Variants in OPA3 observed in about 807,000 individuals in gnomAD.
OPA3 encodes outer mitochondrial membrane lipid metabolism regulator OPA3.
OPA3 carries 6 observed loss-of-function variants against 4.0 expected under a neutral mutation model. The ratio of observed to expected loss-of-function variants is 1.51; its 90% CI spans 0.83 to 2.99. OPA3 has a LOEUF of 2.99. OPA3 is among the 30% of genes most tolerant of loss of function. The pLI, the probability that OPA3 is intolerant of heterozygous loss-of-function variation, is 0.00. For missense variants in OPA3, 235 were observed against 256.2 expected, an observed-to-expected ratio of 0.92 and a Z score of 0.56; for synonymous variants, 105 against 117.1, an observed-to-expected ratio of 0.90 and a Z score of 0.67.
At chr19:45,529,047 C>A (rs1224096706) in exon 2 of OPA3, 1 of 1,598,066 alleles carries the variant, frequency 6.3e-7, no homozygotes. Context: ...ACCAGGGCCC[C>A]GAGACCTCCT....
At chr19:45,528,719 T>C (rs977025808) in exon 2 of OPA3, 1 of 282,504 alleles carries the variant, frequency 3.5e-6, no homozygotes, top group East Asian at 6.4e-5. Flanking sequence ...GTGGACGTCC[T>C]GCTGGCCTAC....
Position 45,550,232 on chromosome 19 carries a change from G to A in OPA3, c.*3282C>T. Reference sequence around the variant, plus strand: ...AACCTGTTTCTTGGCTTTCTATCTGGGCAGATCTTGGTCCAGGCCAGTTTT... The same window carrying A: ...AACCTGTTTCTTGGCTTTCTATCTGAGCAGATCTTGGTCCAGGCCAGTTTT... On this transcript the variant is annotated 3_prime_UTR_variant, in exon 2 of 2. Coordinates refer to ENST00000263275, the MANE Select transcript of OPA3 (RefSeq NM_025136.4). 1 of 985,386 alleles carries A rather than the reference G, an allele frequency of 1.0e-6. No individual in the cohort carries two copies. The highest frequency in any genetic ancestry group is 1.2e-6 in the Non-Finnish European group (1 of 829,930). The allele number at this position is 985,386 out of a possible 1,614,324, so 61.0% of individuals were successfully genotyped here.
At chr19:45,556,497 T>C (rs750241655) in intron 1 of OPA3, among the ~76,000 whole-genome samples, 2 of 151,606 alleles carry the variant, frequency 1.3e-5, no homozygotes, top group Non-Finnish European at 2.9e-5. Context: ...GCTAGAACTA[T>C]AGATGCCCCA....
chr19:45,553,632 T>C lies in OPA3; in HGVS notation c.422A>G (p.Gln141Arg). The C allele has an allele frequency of 6.2e-7, 1 of 1,606,474 alleles. No individual in the cohort carries two copies. The highest frequency in any genetic ancestry group is 8.5e-7 in the Non-Finnish European group (1 of 1,178,482). ...LALEALQAQV[Q>R]AAPPQGALEE... ...CAGGGCGCCCTGTGGCGGCGCCGCCTGCACCTGCGCCTGCAGCGCTTCCAG... is the reference window on the plus strand; with the variant it reads ...CAGGGCGCCCTGTGGCGGCGCCGCCCGCACCTGCGCCTGCAGCGCTTCCAG... The change falls in exon 2 of 2, where the codon CAG becomes CGG. Residue 141 changes from glutamine to arginine, a missense_variant. Gln to Arg is a conservative substitution (Grantham distance 43, BLOSUM62 1). Transcript: ENST00000263275.
In OPA3 at chr19:45,562,099, C is replaced by T. The variant is rs969853167; in HGVS notation, c.143-8188G>A. Among the ~76,000 whole-genome samples the T allele has an allele frequency of 4.6e-5, 7 of 151,778 alleles. No homozygotes were observed. The South Asian group carries it at 1.5e-3, about 31-fold the overall frequency. On this transcript the variant is annotated intron_variant, in intron 1 of 1. Transcript: ENST00000263275. ...TTATGGCTCACGCCTATAATAATCC[C>T]AGCACTTAAGAGGCCGAGGCACTGG...
At chr19:45,583,631 A>G (rs535707208) in intron 1 of OPA3, among the ~76,000 whole-genome samples, 1 of 152,004 alleles carries the variant, frequency 6.6e-6, no homozygotes, top group African/African-American at 2.4e-5. Flanking sequence ...CCTCCCAAGT[A>G]GCTGGGATTA....
chr19:45,564,958 G>A (rs1047382415), intron 1 of OPA3, among the ~76,000 whole-genome samples: 1 of 152,202 alleles, frequency 6.6e-6, no homozygotes, highest in African/African-American at 2.4e-5. Flanking sequence ...CGGGCGTGGT[G>A]GCTCACGCCT....
intron 1 of OPA3, among the ~76,000 whole-genome samples, chr19:45,554,367 G>A (rs1440128546): frequency 6.6e-6 from 1 of 152,202 alleles, no homozygotes; most frequent in Non-Finnish European, 1.5e-5. Context: ...GGCAGTCGAT[G>A]CTAAGTGCCT....
At chr19:45,540,687 C>T (rs970323297) in intron 1 of OPA3, among the ~76,000 whole-genome samples, 20 of 151,816 alleles carry the variant, frequency 1.3e-4, no homozygotes, top group Non-Finnish European at 2.7e-4. Context: ...CCTGCAATCC[C>T]AGCTACTTGG....
At chr19:45,566,483 T>A (rs1229561296) in intron 1 of OPA3, among the ~76,000 whole-genome samples, 3 of 128,058 alleles carry the variant, frequency 2.3e-5, no homozygotes, top group African/African-American at 8.9e-5. Context: ...CTCTTTTTTT[T>A]TTTTTTGAGA....
chr19:45,530,026 G>A (rs1969042110), intron 1 of OPA3, among the ~76,000 whole-genome samples: 1 of 152,292 alleles, frequency 6.6e-6, no homozygotes, highest in South Asian at 2.1e-4. Context: ...GAGCCACGGA[G>A]CGCGGCCCTG....
At chr19:45,528,407 C>G (rs1266552810) in exon 2 of OPA3, 1 of 152,544 alleles carries the variant, frequency 6.6e-6, no homozygotes, top group African/African-American at 2.4e-5. Context: ...ATGTCAATGA[C>G]AGGTACTAAG....
At position 45,531,079 on chromosome 19, in the gene OPA3, C is replaced by T. The variant is rs558843240; in HGVS notation, c.143-1623G>A. ...TGCTGGGATTACAGGCATGAGCTAC[C>T]ACACCCAGCCTATTTTTTTTTACTG... is the stretch of plus-strand genomic sequence containing the variant. On this transcript the variant is annotated intron_variant, in intron 1 of 1. Coordinates refer to the OPA3 transcript ENST00000323060. Among the ~76,000 whole-genome samples the T allele has an allele frequency of 4.6e-5, 7 of 151,750 alleles. No individual in the cohort carries two copies. In the South Asian group the frequency reaches 1.2e-3, roughly 27 times the overall value.
At chr19:45,535,863 C>T (rs1969111340) in intron 1 of OPA3, among the ~76,000 whole-genome samples, 1 of 149,570 alleles carries the variant, frequency 6.7e-6, no homozygotes, top group South Asian at 2.1e-4. Context: ...CTCCTGAGCT[C>T]AAGAGATTCT....
At chr19:45,556,656 C>G (rs558783432) in intron 1 of OPA3, among the ~76,000 whole-genome samples, 23 of 152,332 alleles carry the variant, frequency 1.5e-4, no homozygotes, top group African/African-American at 5.5e-4. Flanking sequence ...CTGAGCCCAG[C>G]CACTACACAT....
At chr19:45,556,375 C>T (rs1333423867) in intron 1 of OPA3, among the ~76,000 whole-genome samples, 1 of 151,628 alleles carries the variant, frequency 6.6e-6, no homozygotes, top group Admixed American at 6.6e-5. Flanking sequence ...ATTTATTTAA[C>T]AGATGGGCTC....
chr19:45,569,737 C>A (rs1171128019), intron 1 of OPA3, among the ~76,000 whole-genome samples: 2 of 151,980 alleles, frequency 1.3e-5, no homozygotes, highest in Non-Finnish European at 2.9e-5. Context: ...TCCATACACA[C>A]ACGCATAGAC....
intron 1 of OPA3, among the ~76,000 whole-genome samples, chr19:45,576,322 G>A (rs1008903701): frequency 5.9e-5 from 9 of 152,166 alleles, no homozygotes; most frequent in African/African-American, 2.2e-4. Context: ...CCTGAGGTCA[G>A]GAGTTCAAGA....
At position 45,548,285 on chromosome 19, in the gene OPA3, TG is replaced by T. The variant is rs770080585; in HGVS notation, c.*5228del. On this transcript the variant is annotated 3_prime_UTR_variant, in exon 2 of 2. Coordinates refer to ENST00000263275, the MANE Select transcript of OPA3 (RefSeq NM_025136.4). The stretch of plus-strand genomic sequence containing the variant: ...GGCTTATGTAAAGCCCATTTTCTCC[TG>T]GGGTGGCTCTCAGCCATTTTGCCTC... The T allele has an allele frequency of 6.2e-5, 61 of 985,378 alleles. No individual in the cohort carries two copies. Among genetic ancestry groups the T allele is most frequent in the Middle Eastern group, 1.0e-3 (2 of 1,938 alleles). 61.0% of individuals were successfully genotyped at this position (985,378 alleles called of 1,614,324 possible).
Sources: allele counts gnomAD v4.1 joint callset (sites outside exome capture counted in the v4.1 genomes callset), GRCh38; gene constraint gnomAD v4.1.1; transcripts MANE v1.5; gene names NCBI Gene and HGNC (gene_info 2026-07-23, HGNC 2026-07-21).